Variants in NEB observed in about 807,000 individuals in gnomAD.
NEB encodes the protein nemaline myopathy type 2.
In NEB, 512 loss-of-function variants were observed where a neutral mutation model predicts 952.2. The ratio of observed to expected loss-of-function variants is 0.54; its 90% CI spans 0.50 to 0.58. The LOEUF is 0.58. Ranked by LOEUF, NEB falls within the 20% of genes least tolerant of loss-of-function variation. NEB has a pLI of 0.00. For missense variants in NEB, 8,428 were observed against 9,231.1 expected (o/e 0.91, Z 3.56); for synonymous variants, 2,900 against 3,149.8 (o/e 0.92, Z 2.66).
At chr2:151,488,913 G>T (rs1028415924) in intron 181 of NEB, among the ~76,000 whole-genome samples, 1 of 151,962 alleles carries the variant, frequency 6.6e-6, no homozygotes, top group East Asian at 1.9e-4. Flanking sequence ...TGTATCTATT[G>T]CCATGCTAAA....
At chr2:151,556,656 A>G (rs2153677624) in intron 124 of NEB, among the ~76,000 whole-genome samples, 1 of 152,264 alleles carries the variant, frequency 6.6e-6, no homozygotes, top group South Asian at 2.1e-4. Flanking sequence ...AAAGAAGAAG[A>G]GCTAACTATC....
intron 153 of NEB, among the ~76,000 whole-genome samples, chr2:151,520,317 G>A (rs1485073722): frequency 1.3e-5 from 2 of 152,162 alleles, no homozygotes; most frequent in African/African-American, 4.8e-5. Context: ...AAACAAATAT[G>A]AGAGTTTGGG....
At chr2:151,535,860 G>A (rs954413545) in intron 141 of NEB, 65 bp from the exon 142 acceptor site, 47 of 823,882 alleles carry the variant, frequency 5.7e-5, no homozygotes, top group Non-Finnish European at 8.4e-5. Flanking sequence ...GAGACATGCT[G>A]TTTATCATAT....
At chr2:151,557,350 A>C (rs775124515) in intron 124 of NEB, among the ~76,000 whole-genome samples, 6 of 152,198 alleles carry the variant, frequency 3.9e-5, no homozygotes, top group Non-Finnish European at 8.8e-5. Flanking sequence ...GGCCAATAAC[A>C]AGTTCTGAAA....
chr2:151,660,296 T>A (rs1266096844), intron 46 of NEB, among the ~76,000 whole-genome samples: 1 of 152,200 alleles, frequency 6.6e-6, no homozygotes, highest in Non-Finnish European at 1.5e-5. Context: ...AAATACTCTG[T>A]ACTCCAATTT....
chr2:151,620,969 C>G lies in NEB; in HGVS notation c.10510G>C (p.Asp3504His). 1 of 1,613,024 alleles carries G rather than the reference C, an allele frequency of 6.2e-7. No homozygotes were observed. The change falls in exon 72 of 182, where the codon GAT (aspartate) becomes CAT (histidine). Residue 3504 changes from aspartate to histidine, a missense_variant. Transcript: ENST00000397345. ...AKKEGYDLRS[D>H]AIPIVAAKAS... ...TTGGCAGCCACAATGGGAATGGCAT[C>G]ACTTCTCAAGTCATAGCCTTCTTTC...
At chr2:151,678,540 T>G (rs2099390426) in intron 32 of NEB, among the ~76,000 whole-genome samples, 1 of 152,238 alleles carries the variant, frequency 6.6e-6, no homozygotes, top group Non-Finnish European at 1.5e-5. Context: ...CTCTACCAAT[T>G]ACATTGTGCT....
chr2:151,662,400 G>T, intron 45 of NEB, 59 bp from the exon 46 acceptor site: 3 of 1,397,822 alleles, frequency 2.1e-6, no homozygotes, highest in Non-Finnish European at 2.9e-6. Flanking sequence ...AGAATCCTAA[G>T]TGTGTGTTTA....
chr2:151,679,284 T>C (rs1206711967), intron 32 of NEB, among the ~76,000 whole-genome samples: 4 of 152,126 alleles, frequency 2.6e-5, no homozygotes, highest in Admixed American at 1.3e-4. Context: ...AGACTGGCTA[T>C]TACAGGTGGT....
chr2:151,680,702 TTAAC>T (rs2099408036), intron 30 of NEB, 24 bp downstream of exon 30: 6 of 1,449,610 alleles, frequency 4.1e-6, no homozygotes, highest in Non-Finnish European at 5.8e-6. Flanking sequence ...TTAACATCTA[TTAAC>T]ATATAGATAG....
At position 151,527,448 on chromosome 2, in the gene NEB, C is replaced by T. The variant is rs41525550; in HGVS notation, c.21840+33G>A. The stretch of plus-strand genomic sequence containing the variant: ...CATTGTATTTCTCAGGTGCAGTATG[C>T]AGTTACAATCGTCTGTGTCTCTCCT... On this transcript the variant is annotated intron_variant, in intron 147 of 181. Transcript: ENST00000397345. The T allele has an allele frequency of 8.4e-4, 1,192 of 1,417,134 alleles. 7 individuals are homozygous for T. The African/African-American group carries it at 0.015, about 17-fold the overall frequency. 87.8% of individuals were successfully genotyped at this position (1,417,134 alleles called of 1,614,324 possible). A position where few individuals can be genotyped will look rare whatever the true frequency, so the allele number is the denominator to read the frequency against.
intron 168 of NEB, 118 bp from the exon 169 acceptor site, chr2:151,499,508 C>CAAGT: frequency 1.5e-6 from 1 of 645,358 alleles, no homozygotes; most frequent in South Asian, 1.7e-5. Flanking sequence ...ACAGATTCAA[C>CAAGT]AAGTCAACCT....
In NEB at chr2:151,561,326, C is replaced by T; in HGVS notation, c.18997-14G>A. 1 of 1,539,734 alleles carries T rather than the reference C, an allele frequency of 6.5e-7. No homozygotes were observed. The highest frequency in any genetic ancestry group is 8.8e-7 in the Non-Finnish European group (1 of 1,132,870). On this transcript the variant is annotated splice_polypyrimidine_tract_variant and intron_variant, in intron 121 of 181. Transcript: ENST00000397345. ...TGTATATTGTAGCTGTGAAGAAAAA[C>T]AAAAGTCATCAAAAATGGTAACATA...
chr2:151,650,696 C>T lies in NEB; in HGVS notation c.7105G>A (p.Ala2369Thr). Reference sequence around the variant, plus strand: ...CTAACCAACTCCTGACACTTCTTGGCCAGTACCACTCCCAACATGTCCACT... The same window carrying T: ...CTAACCAACTCCTGACACTTCTTGGTCAGTACCACTCCCAACATGTCCACT... ...SPVDMLGVVL[A>T]KKCQELVSDV... is the part of the protein sequence containing the mutation. The change falls in exon 53 of 182, where the codon GCC becomes ACC. Residue 2369 changes from alanine (A) to threonine (T), a missense_variant. Ala to Thr is a moderately conservative substitution (Grantham distance 58). Around this residue, in one of 11 missense-constraint regions of NEB, gnomAD observed 1,772 missense variants for 1,960.3 expected, o/e 0.90. Transcript: ENST00000397345. The T allele has an allele frequency of 6.2e-7, 1 of 1,613,922 alleles. No individual in the cohort carries two copies. The highest frequency in any genetic ancestry group is 8.5e-7 in the Non-Finnish European group (1 of 1,179,850).
intron 123 of NEB, 34 bp from the exon 124 acceptor site, chr2:151,560,733 GA>G: frequency 1.3e-6 from 2 of 1,511,220 alleles, no homozygotes; most frequent in Non-Finnish European, 1.8e-6. Context: ...GTGAATATGG[GA>G]AAATGCATCT....
At chr2:151,718,343 C>T (rs1045597072) in intron 9 of NEB, among the ~76,000 whole-genome samples, 2 of 152,164 alleles carry the variant, frequency 1.3e-5, no homozygotes, top group Non-Finnish European at 2.9e-5. Context: ...GTTCTGTGAA[C>T]AACAGCTTGC....
Position 151,636,294 on chromosome 2 carries a change from C to G in NEB, c.9035G>C (p.Gly3012Ala), listed in dbSNP as rs556175813. ...GATGGCGTCGCTTCGCAAGTCATAG[C>G]CTTTCTTCTTTGCTTCTTCATTAGC... is the stretch of plus-strand genomic sequence containing the variant. ...KLANEEAKKK[G>A]YDLRSDAIPI... Residue 3012 changes from glycine (G) to alanine (A), a missense_variant, in exon 64 of 182, where the codon GGC becomes GCC. Physicochemically the swap from Gly to Ala is moderately conservative, Grantham distance 60. Coordinates refer to ENST00000397345, the MANE Select transcript of NEB (RefSeq NM_001164508.2). The G allele has an allele frequency of 6.2e-7, 1 of 1,609,264 alleles. No homozygotes were observed. The highest frequency in any genetic ancestry group is 1.3e-5 in the African/African-American group (1 of 75,052).
intron 51 of NEB, among the ~76,000 whole-genome samples, 196 bp downstream of exon 51, chr2:151,655,074 C>T (rs2099073853): frequency 6.6e-6 from 1 of 152,116 alleles, no homozygotes; most frequent in Admixed American, 6.6e-5. Flanking sequence ...AGACACAGAA[C>T]CTGCTCCACA....
intron 36 of NEB, among the ~76,000 whole-genome samples, chr2:151,673,954 G>A (rs181454739): frequency 1.1e-4 from 16 of 151,700 alleles, no homozygotes; most frequent in African/African-American, 2.7e-4. Flanking sequence ...CACCATGCCC[G>A]GCCAAAATTT....
Sources: gnomAD v4.1 joint callset for allele counts (sites outside exome capture counted in the v4.1 genomes callset) on GRCh38, gnomAD v4.1.1 for gene constraint, gnomAD v4.1.1 regional missense constraint, MANE v1.5 for transcripts, NCBI Gene and HGNC (gene_info 2026-07-23, HGNC 2026-07-21) for gene names.